The following RPH3AL variants were observed in gnomAD, a reference collection of about 807,000 sequenced individuals.
RPH3AL encodes rabphilin 3A like (without C2 domains), also known as rab effector Noc2.
In RPH3AL, 38 loss-of-function variants were observed where a neutral mutation model predicts 43.1. That is an observed-to-expected ratio of 0.88 (90% CI 0.68 to 1.15). The LOEUF (loss-of-function observed/expected upper bound fraction) is 1.15. RPH3AL is among the 50% of genes most tolerant of loss of function. RPH3AL has a pLI of 0.00. For missense variants in RPH3AL, 462 were observed against 423.2 expected (o/e 1.09, Z -0.81); for synonymous variants, 189 against 176.3 (o/e 1.07, Z -0.57).
In RPH3AL at chr17:219,192, CTTTTTTTTTT is replaced by C. The variant is rs796389217; in HGVS notation, c.727+421_727+430del. On this transcript the variant is annotated intron_variant, in intron 8 of 9. Transcript: ENST00000331302. The stretch of plus-strand genomic sequence containing the variant: ...CCTGGGGCTTTGGAAATAAACAGCA[CTTTTTTTTTT>C]TTTTTTTTTTTTTTTGAGATGGAGT... Among the ~76,000 whole-genome samples the C allele has an allele frequency of 1.9e-4, 11 of 58,004 alleles. No homozygotes were observed. In the East Asian group the frequency reaches 3.2e-3, roughly 17 times the overall value. The allele number at this position is 58,004 out of a possible 152,430, so 38.1% of individuals were successfully genotyped here. A position where few individuals can be genotyped will look rare whatever the true frequency, so the allele number is the denominator to read the frequency against.
At chr17:219,495 C>G in intron 8 of RPH3AL, 128 bp downstream of exon 8, 1 of 545,344 alleles carries the variant, frequency 1.8e-6, no homozygotes, top group South Asian at 2.1e-5. Flanking sequence ...CTGTGCCCGG[C>G]CTAATAGTTT....
At position 264,194 on chromosome 17, in the gene RPH3AL, G is replaced by A. The variant is rs563927531; in HGVS notation, c.439-16909C>T. Among the ~76,000 whole-genome samples, 40 of 152,282 alleles carry A rather than the reference G, an allele frequency of 2.6e-4. No homozygotes were observed. Among genetic ancestry groups the A allele is most frequent in the African/African-American group, 5.8e-4 (24 of 41,544 alleles). On this transcript the variant is annotated intron_variant, in intron 6 of 9. Coordinates refer to ENST00000331302, the MANE Select transcript of RPH3AL (RefSeq NM_006987.4). The surrounding 1 kb of genome is among the most constrained non-coding windows in gnomAD (Gnocchi z 4.8). ...CTTGTTTCTAGCATTGTTTTCTGCC[G>A]GAAATGCCATCTGTCACTCAAACCC...
intron 6 of RPH3AL, among the ~76,000 whole-genome samples, chr17:257,896 T>C (rs12937931): frequency 0.051 from 319 of 6,202 alleles, 49 homozygotes; most frequent in African/African-American, 0.18. Context: ...TCCCTAGGAA[T>C]GTGACTACCC....
chr17:331,706 C>T (rs1033672144), intron 2 of RPH3AL: 1 of 1,287,526 alleles, frequency 7.8e-7, no homozygotes, highest in African/African-American at 1.5e-5. Flanking sequence ...ATGCCCGGCA[C>T]CCCCTTCACC....
chr17:315,945 C>A lies in RPH3AL; in HGVS notation c.351+3475G>T. On this transcript the variant is annotated intron_variant, in intron 5 of 9. Transcript: ENST00000331302. Reference sequence around the variant, plus strand: ...GTCCCTGTGCCCCCACCTCCATTGACCTGTAGTCCCTGTGACCCCACCTCC... The same window carrying A: ...GTCCCTGTGCCCCCACCTCCATTGAACTGTAGTCCCTGTGACCCCACCTCC... Among the ~76,000 whole-genome samples, 3 of 75,376 alleles carry A rather than the reference C, an allele frequency of 4.0e-5. 1 individual carries two copies. Among genetic ancestry groups the A allele is most frequent in the East Asian group, 9.0e-4 (2 of 2,230 alleles). 49.4% of individuals were successfully genotyped at this position (75,376 alleles called of 152,430 possible).
rs546636905 is a variant in RPH3AL at position 227,950 on chromosome 17, C to T, written c.614-8214G>A. ...AGTGTAGACACTCCCAATTAGCCGT[C>T]TCCAGCCCACCAGGCAGGCACAGCT... On this transcript the variant is annotated intron_variant, in intron 7 of 9. Transcript: ENST00000331302. 1.8e-4 allele frequency among the ~76,000 whole-genome samples: 27 copies of T among 152,330 alleles called. No homozygotes were observed. The East Asian group carries it at 4.8e-3, about 27-fold the overall frequency.
rs542739513 is a variant in RPH3AL, at chr17:277,784, C to T, written c.438+3984G>A. ...CAGCCTGGGCAACATGGCAAAACCC[C>T]GTCTCTACAAAAATGCAAAAAATTA... On this transcript the variant is annotated intron_variant, in intron 6 of 9. Transcript: ENST00000331302. 4.6e-5 allele frequency among the ~76,000 whole-genome samples: 7 copies of T among 152,040 alleles called. No homozygotes were observed. The South Asian group carries it at 6.2e-4, about 14-fold the overall frequency.
At chr17:228,868 T>C (rs973838276) in intron 7 of RPH3AL, among the ~76,000 whole-genome samples, 1 of 152,164 alleles carries the variant, frequency 6.6e-6, no homozygotes, top group African/African-American at 2.4e-5. Context: ...CAGCAGAGGC[T>C]GCAGTGTGGG....
rs1186568423 is a variant in RPH3AL at position 283,205 on chromosome 17, T to A, written c.352-1351A>T. ...GGAAGGTTGCATCTGTTGCTTGGCC[T>A]TTTCTGCAGGCTGCCAACTCAGCAA... On this transcript the variant is annotated intron_variant, in intron 5 of 9. Transcript: ENST00000331302. This position sits in a 1 kb window ranked among gnomAD's most constrained non-coding sequence, Gnocchi z 4.2. Among the ~76,000 whole-genome samples, 1 of 152,154 alleles carries A rather than the reference T, an allele frequency of 6.6e-6. No individual in the cohort carries two copies. The highest frequency in any genetic ancestry group is 2.4e-5 in the African/African-American group (1 of 41,442).
chr17:284,644 T>C (rs1294399294), intron 5 of RPH3AL, among the ~76,000 whole-genome samples: 3 of 152,012 alleles, frequency 2.0e-5, no homozygotes, highest in Non-Finnish European at 4.4e-5. Flanking sequence ...AGCCTCTCCA[T>C]TGCACCCCAC....
chr17:281,172 C>G (rs138530877), intron 6 of RPH3AL, among the ~76,000 whole-genome samples: 3 of 152,234 alleles, frequency 2.0e-5, no homozygotes, highest in African/African-American at 4.8e-5. Context: ...GAACTAGAAC[C>G]ATAGAACTGT....
At chr17:266,538 CT>C (rs2042328520) in intron 6 of RPH3AL, among the ~76,000 whole-genome samples, 1 of 152,226 alleles carries the variant, frequency 6.6e-6, no homozygotes, top group Non-Finnish European at 1.5e-5. Context: ...GCACCTGCCC[CT>C]GTCCTTTCTT....
Position 321,349 on chromosome 17 carries a change from GC to G in RPH3AL, c.143del (p.Ser48ThrfsTer36). On this transcript the variant is annotated frameshift_variant, in exon 4 of 10. Transcript: ENST00000331302. LOFTEE classifies it high-confidence loss of function. ...TEKQRRKQHL[S>X]PAEVEAILQV... The stretch of plus-strand genomic sequence containing the variant: ...GCAGGATGGCCTCCACCTCCGCCGG[GC>G]TGAGGTGCTGCTTCCTCCTCTGCTT... 2 of 1,611,628 alleles carry G rather than the reference GC, an allele frequency of 1.2e-6. No individual in the cohort carries two copies. Among genetic ancestry groups the G allele is most frequent in the Non-Finnish European group, 8.5e-7 (1 of 1,179,916 alleles).
chr17:315,164 C>CCCCACCTCCACTGACCTGTAGTCCCTGTG, intron 5 of RPH3AL, among the ~76,000 whole-genome samples: 1 of 4,338 alleles, frequency 2.3e-4, no homozygotes, highest in East Asian at 9.3e-3. Flanking sequence ...AGTCCCTGTG[C>CCCCACCTCCACTGACCTGTAGTCCCTGTG]CCCCACCTCC....
intron 5 of RPH3AL, among the ~76,000 whole-genome samples, chr17:312,717 C>T (rs1018506167): frequency 1.3e-5 from 2 of 152,240 alleles, no homozygotes; most frequent in Admixed American, 6.5e-5. Context: ...CATCCATCAA[C>T]GATGACAGAA....
chr17:224,204 A>G (rs2041056539), intron 7 of RPH3AL, among the ~76,000 whole-genome samples: 1 of 148,038 alleles, frequency 6.8e-6, no homozygotes, highest in African/African-American at 2.4e-5. Context: ...CTGCACAGCC[A>G]GGGGATGCTC....
intron 7 of RPH3AL, among the ~76,000 whole-genome samples, chr17:237,432 T>A (rs1342204039): frequency 3.3e-5 from 5 of 152,016 alleles, no homozygotes; most frequent in Non-Finnish European, 5.9e-5. Flanking sequence ...CACTCCCCTC[T>A]GGGGAAGGAT....
chr17:320,980 G>A (rs1292858726), intron 4 of RPH3AL, among the ~76,000 whole-genome samples: 2 of 152,166 alleles, frequency 1.3e-5, no homozygotes, highest in African/African-American at 4.8e-5. Flanking sequence ...GTGCACAGCC[G>A]AACAGCTCCT....
chr17:247,386 G>T (rs2041794004), intron 6 of RPH3AL, 101 bp from the exon 7 acceptor site: 1 of 1,256,568 alleles, frequency 8.0e-7, no homozygotes, highest in Non-Finnish European at 1.1e-6. Context: ...AGAGCTAGGA[G>T]CAGAGTGGGA....
Sources: gnomAD v4.1 joint callset for allele counts (sites outside exome capture counted in the v4.1 genomes callset) on GRCh38, gnomAD v4.1.1 for gene constraint, Gnocchi (gnomAD v3.1) non-coding constraint, MANE v1.5 for transcripts, NCBI Gene and HGNC (gene_info 2026-07-23, HGNC 2026-07-21) for gene names.